MOSMO: variants seen among roughly 807,000 people sequenced by gnomAD.
MOSMO encodes modulator of smoothened protein.
MOSMO carries 5 observed loss-of-function variants against 18.4 expected under a neutral mutation model. That is an observed-to-expected ratio of 0.27 (90% confidence interval 0.14 to 0.57). The LOEUF (loss-of-function observed/expected upper bound fraction) is 0.57, where lower values mean the gene tolerates loss of function less well. MOSMO is among the 20% of genes least tolerant of loss of function. MOSMO has a pLI of 0.92. For missense variants in MOSMO, 138 were observed against 211.8 expected (o/e 0.65, Z 2.16); for synonymous variants, 82 against 82.3 (o/e 1.00, Z 0.02).
chr16:22,050,784 C>T (rs1027462765), intron 1 of MOSMO, among the ~76,000 whole-genome samples: 5 of 150,696 alleles, frequency 3.3e-5, no homozygotes, highest in Non-Finnish European at 7.4e-5. Context: ...TAAGTCTTAG[C>T]TACTTGGGAG....
At chr16:22,080,454 T>C (rs1462366994) in intron 2 of MOSMO, among the ~76,000 whole-genome samples, 1 of 152,168 alleles carries the variant, frequency 6.6e-6, no homozygotes, top group Non-Finnish European at 1.5e-5. Flanking sequence ...GAAAAGGACT[T>C]TCTTAATCCT....
Position 22,081,820 on chromosome 16 carries a change from C to A in MOSMO, c.*940C>A, listed in dbSNP as rs550465343. The A allele has an allele frequency of 8.5e-5, 13 of 152,066 alleles. No homozygotes were observed. The South Asian group carries it at 2.1e-3, about 24-fold the overall frequency. 9.4% of individuals were successfully genotyped at this position (152,066 alleles called of 1,614,324 possible). On this transcript the variant is annotated 3_prime_UTR_variant, in exon 3 of 3. Coordinates refer to ENST00000542527, the MANE Select transcript of MOSMO (RefSeq NM_001164579.2). ...GTTTACCTCATTCTTTGTAGCAGCC[C>A]TTGATTTTAACAGGTTTTTGTAATA...
At chr16:22,047,504 A>G (rs1370294326) in intron 1 of MOSMO, among the ~76,000 whole-genome samples, 1 of 152,082 alleles carries the variant, frequency 6.6e-6, no homozygotes, top group Non-Finnish European at 1.5e-5. Flanking sequence ...TCGGCCTCCC[A>G]AAGTGCTGGG....
At chr16:22,033,692 T>C (rs1271385070) in intron 1 of MOSMO, among the ~76,000 whole-genome samples, 1 of 150,394 alleles carries the variant, frequency 6.6e-6, no homozygotes, top group Non-Finnish European at 1.5e-5. Flanking sequence ...TGGTGGCAGG[T>C]GCCTGTAGTC....
At chr16:22,016,290 G>A (rs1408678165) in intron 1 of MOSMO, among the ~76,000 whole-genome samples, 2 of 152,180 alleles carry the variant, frequency 1.3e-5, no homozygotes, top group African/African-American at 4.8e-5. Flanking sequence ...ATAAAATGTG[G>A]CATATAAGAG....
At position 22,008,178 on chromosome 16, in the gene MOSMO, G is replaced by T. The variant is rs1899426888; in HGVS notation, c.-124G>T. ...CGCGCGGAGGGCGCGAGCGGCGCGCGGGGGCCGAGGGGGCGCGAGGCAGCG... is the reference window on the plus strand; with the variant it reads ...CGCGCGGAGGGCGCGAGCGGCGCGCTGGGGCCGAGGGGGCGCGAGGCAGCG... On this transcript the variant is annotated 5_prime_UTR_variant, in exon 1 of 3. Coordinates refer to ENST00000542527, the MANE Select transcript of MOSMO (RefSeq NM_001164579.2). 1 of 235,052 alleles carries T rather than the reference G, an allele frequency of 4.3e-6. No homozygotes were observed. The allele number at this position is 235,052 out of a possible 1,614,324, so 14.6% of individuals were successfully genotyped here.
At chr16:22,022,148 A>C (rs928184902) in intron 1 of MOSMO, among the ~76,000 whole-genome samples, 1 of 151,628 alleles carries the variant, frequency 6.6e-6, no homozygotes, top group Non-Finnish European at 1.5e-5. Flanking sequence ...TTAAAGTAGG[A>C]TATATCATTG....
intron 1 of MOSMO, among the ~76,000 whole-genome samples, chr16:22,027,624 G>T (rs1366330440): frequency 5.9e-5 from 9 of 152,232 alleles, no homozygotes; most frequent in East Asian, 1.9e-4. Flanking sequence ...ATTTATGAGT[G>T]ATAGGGACAG....
At chr16:22,008,745 T>TAA (rs71151659) in intron 1 of MOSMO, among the ~76,000 whole-genome samples, 1 of 132,162 alleles carries the variant, frequency 7.6e-6, no homozygotes, top group Non-Finnish European at 1.6e-5. Context: ...CGTTCTGGAT[T>TAA]AAAAAAAAAA....
At chr16:22,030,493 T>C (rs1329961388) in intron 1 of MOSMO, among the ~76,000 whole-genome samples, 1 of 152,196 alleles carries the variant, frequency 6.6e-6, no homozygotes, top group Non-Finnish European at 1.5e-5. Context: ...ACTTTTCTCT[T>C]CACAATTAAA....
intron 1 of MOSMO, among the ~76,000 whole-genome samples, chr16:22,010,551 G>T (rs1201337877): frequency 6.6e-6 from 1 of 152,160 alleles, no homozygotes; most frequent in Admixed American, 6.5e-5. Flanking sequence ...CCATGCAAAA[G>T]ATATAGTTGA....
intron 1 of MOSMO, among the ~76,000 whole-genome samples, chr16:22,008,674 T>G (rs1899446777): frequency 6.9e-6 from 1 of 145,202 alleles, no homozygotes; most frequent in Non-Finnish European, 1.5e-5. Context: ...GGCTGGCAAG[T>G]CCCGGACCGG....
Position 22,008,187 on chromosome 16 carries a change from G to C in MOSMO, c.-115G>C, listed in dbSNP as rs1597990116. On this transcript the variant is annotated 5_prime_UTR_variant, in exon 1 of 3. Coordinates refer to ENST00000542527, the MANE Select transcript of MOSMO (RefSeq NM_001164579.2). ...GGCGCGAGCGGCGCGCGGGGGCCGA[G>C]GGGGCGCGAGGCAGCGGCGCGGGGA... 1.4e-5 allele frequency: 4 copies of C among 295,876 alleles called. No individual in the cohort carries two copies. The East Asian group carries it at 4.1e-4, about 30-fold the overall frequency. 18.3% of individuals were successfully genotyped at this position (295,876 alleles called of 1,614,324 possible). A position where few individuals can be genotyped will look rare whatever the true frequency, so the allele number is the denominator to read the frequency against.
intron 1 of MOSMO, among the ~76,000 whole-genome samples, chr16:22,010,249 ACT>A (rs1899496404): frequency 6.6e-6 from 1 of 152,010 alleles, no homozygotes; most frequent in African/African-American, 2.4e-5. Flanking sequence ...TTTTAGCAGA[ACT>A]CTTAATTGTA....
chr16:22,041,113 T>C (rs1054403657), intron 1 of MOSMO, among the ~76,000 whole-genome samples: 2 of 152,182 alleles, frequency 1.3e-5, no homozygotes, highest in Non-Finnish European at 2.9e-5. Context: ...TTAGAGGACA[T>C]GATCTGGGAA....
At chr16:22,013,410 G>C (rs1367908286) in intron 1 of MOSMO, among the ~76,000 whole-genome samples, 1 of 152,126 alleles carries the variant, frequency 6.6e-6, no homozygotes, top group Non-Finnish European at 1.5e-5. Context: ...TTACAGAAGA[G>C]GGAAAGAAGG....
At position 22,083,872 on chromosome 16, in the gene MOSMO, A is replaced by G. The variant is rs1901125971; in HGVS notation, c.*2992A>G. 2 of 346,184 alleles carry G rather than the reference A, an allele frequency of 5.8e-6. No individual in the cohort carries two copies. The highest frequency in any genetic ancestry group is 4.5e-5 in the Admixed American group (1 of 22,326). 21.4% of individuals were successfully genotyped at this position (346,184 alleles called of 1,614,324 possible). On this transcript the variant is annotated 3_prime_UTR_variant, in exon 3 of 3. Transcript: ENST00000542527. ...TTCAGTATGATTCTTTCCAAAGGTA[A>G]TCCATGTTCTATGTTGTTAATGTGT... is the stretch of plus-strand genomic sequence containing the variant.
Position 22,075,671 on chromosome 16 carries a change from A to C in MOSMO, c.291A>C (p.Lys97Asn). 6.5e-7 allele frequency: 1 copy of C among 1,537,340 alleles called. No homozygotes were observed. Among genetic ancestry groups the C allele is most frequent in the Non-Finnish European group, 8.7e-7 (1 of 1,146,908 alleles). The change falls in exon 2 of 3, where the codon AAA becomes AAC. Residue 97 changes from lysine to asparagine, a missense_variant. By Grantham distance (94) the Lys-to-Asn change is moderately conservative. Coordinates refer to ENST00000542527, the MANE Select transcript of MOSMO (RefSeq NM_001164579.2). ...VASHWRREAT[K>N]YARWIAFTGM... ...CCCACTGGCGAAGAGAAGCTACAAA[A>C]TATGCTCGATGGATAGCATTCACTG...
At chr16:22,070,289 G>C (rs73533970) in intron 1 of MOSMO, among the ~76,000 whole-genome samples, 1 of 152,140 alleles carries the variant, frequency 6.6e-6, no homozygotes. Flanking sequence ...AGCAGCACCC[G>C]TCTGCTCTGA....
Sources: gnomAD v4.1 joint callset for allele counts (sites outside exome capture counted in the v4.1 genomes callset) on GRCh38, gnomAD v4.1.1 for gene constraint, MANE v1.5 for transcripts, NCBI Gene and HGNC (gene_info 2026-07-23, HGNC 2026-07-21) for gene names.